Variants in ACBD6 observed in about 807,000 individuals in gnomAD.
The protein encoded by ACBD6 is acyl-CoA-binding domain-containing protein 6.
In ACBD6, 28 loss-of-function variants were observed where a neutral mutation model predicts 37.2. The ratio of observed to expected loss-of-function variants is 0.75; its 90% CI spans 0.56 to 1.03. The LOEUF is 1.03. Among genes scored for constraint, ACBD6 ranks in the 50% least tolerant of loss-of-function variants. The pLI is 0.00. For synonymous variants in ACBD6, 113 were observed against 126.8 expected (o/e 0.89, Z 0.73); for missense variants, 340 against 337.4 (o/e 1.01, Z -0.06).
chr1:180,283,164 T>C (rs1649365932), intron 8 of ACBD6, among the ~76,000 whole-genome samples: 1 of 152,134 alleles, frequency 6.6e-6, no homozygotes, highest in Non-Finnish European at 1.5e-5. Context: ...TTACACAAAG[T>C]GTCCATCAAC....
chr1:180,277,597 T>C (rs1003187117), intron 9 of ACBD6: 3 of 152,122 alleles, frequency 2.0e-5, no homozygotes, highest in Admixed American at 2.0e-4. Flanking sequence ...ATGGAGGAAA[T>C]ACCAGATTTA....
At chr1:180,320,970 T>C (rs2764440) in intron 6 of ACBD6, among the ~76,000 whole-genome samples, 6,948 of 152,246 alleles carry the variant, frequency 0.046, 224 homozygotes, top group South Asian at 0.059. Flanking sequence ...CTTTTGTACA[T>C]GGTGAGAGAC....
chr1:180,352,768 C>T (rs1225328454), intron 6 of ACBD6, among the ~76,000 whole-genome samples: 1 of 152,216 alleles, frequency 6.6e-6, no homozygotes, highest in Non-Finnish European at 1.5e-5. Context: ...ACACAGAGTA[C>T]ATCCCATTCA....
chr1:180,437,295 G>A (rs542578761), intron 3 of ACBD6, among the ~76,000 whole-genome samples: 24 of 152,292 alleles, frequency 1.6e-4, no homozygotes, highest in African/African-American at 4.8e-4. Flanking sequence ...TCTGGAGACC[G>A]GGGCTTGTGA....
intron 3 of ACBD6, among the ~76,000 whole-genome samples, chr1:180,486,027 TG>T (rs1271259984): frequency 6.6e-6 from 1 of 151,818 alleles, no homozygotes; most frequent in East Asian, 1.9e-4. Context: ...AATACATGAA[TG>T]TTGAGAGAGG....
At chr1:180,460,715 A>T (rs1465379559) in intron 3 of ACBD6, among the ~76,000 whole-genome samples, 1 of 152,254 alleles carries the variant, frequency 6.6e-6, no homozygotes, top group Non-Finnish European at 1.5e-5. Context: ...CTTAAAAAAC[A>T]AAACAACAAA....
At chr1:180,274,677 G>A (rs542243627) in exon 10 of ACBD6, 4 of 1,359,624 alleles carry the variant, frequency 2.9e-6, no homozygotes, top group Admixed American at 2.3e-5. Context: ...GTACGCCAAT[G>A]TGAATTTCCA....
At chr1:180,398,566 C>T (rs1232610129) in intron 5 of ACBD6, among the ~76,000 whole-genome samples, 1 of 152,130 alleles carries the variant, frequency 6.6e-6, no homozygotes, top group Non-Finnish European at 1.5e-5. Flanking sequence ...GAATGGATGA[C>T]TAAATATTAG....
intron 3 of ACBD6, among the ~76,000 whole-genome samples, chr1:180,457,445 A>C (rs968360520): frequency 2.0e-5 from 3 of 151,610 alleles, no homozygotes; most frequent in Non-Finnish European, 4.4e-5. Flanking sequence ...ACGGGGAGAA[A>C]CGTCTCTCTT....
chr1:180,314,254 T>C (rs1193149346), intron 7 of ACBD6, among the ~76,000 whole-genome samples: 2 of 151,636 alleles, frequency 1.3e-5, no homozygotes, highest in African/African-American at 4.8e-5. Context: ...GTTATTAATA[T>C]TTTTTTTTGA....
intron 3 of ACBD6, among the ~76,000 whole-genome samples, chr1:180,471,748 T>C (rs113026340): frequency 1.8e-4 from 28 of 152,142 alleles, no homozygotes; most frequent in African/African-American, 6.8e-4. Flanking sequence ...TTCTGGGAGA[T>C]ACAATTCAAA....
intron 6 of ACBD6, among the ~76,000 whole-genome samples, chr1:180,380,368 A>C (rs2101926568): frequency 6.6e-6 from 1 of 152,328 alleles, no homozygotes. Context: ...CCATCAGAAT[A>C]ACAACAAATT....
chr1:180,494,862 T>C (rs1038250379), intron 2 of ACBD6, among the ~76,000 whole-genome samples: 1 of 152,192 alleles, frequency 6.6e-6, no homozygotes, highest in Non-Finnish European at 1.5e-5. Context: ...TTCTGAATTA[T>C]AAGTTAAAAA....
chr1:180,375,752 C>T (rs939112652), intron 6 of ACBD6, among the ~76,000 whole-genome samples: 1 of 152,026 alleles, frequency 6.6e-6, no homozygotes, highest in African/African-American at 2.4e-5. Flanking sequence ...CATACGAGTA[C>T]TAGAAGAAAA....
chr1:180,309,620 T>C (rs988050143), intron 7 of ACBD6, among the ~76,000 whole-genome samples: 1 of 152,316 alleles, frequency 6.6e-6, no homozygotes, highest in South Asian at 2.1e-4. Flanking sequence ...TGGCAGTGGT[T>C]GTCTTTATAA....
chr1:180,403,182 G>A (rs908422282), intron 5 of ACBD6, among the ~76,000 whole-genome samples: 3 of 152,000 alleles, frequency 2.0e-5, no homozygotes, highest in African/African-American at 7.3e-5. Context: ...TACCTTTTTG[G>A]GATTAAAAGA....
intron 3 of ACBD6, among the ~76,000 whole-genome samples, chr1:180,477,088 AT>A (rs898690985): frequency 2.0e-5 from 3 of 152,148 alleles, no homozygotes; most frequent in Non-Finnish European, 2.9e-5. Flanking sequence ...TATATACACT[AT>A]GTTTTTTCCT....
chr1:180,271,791 G>A (rs1204487160), exon 14 of ACBD6: 1 of 1,608,352 alleles, frequency 6.2e-7, no homozygotes, highest in African/African-American at 1.3e-5. Context: ...CTTTGGGTTT[G>A]TGGTGGACGC....
chr1:180,352,232 CA>C (rs1200007224), intron 6 of ACBD6, among the ~76,000 whole-genome samples: 1 of 152,058 alleles, frequency 6.6e-6, no homozygotes, highest in Non-Finnish European at 1.5e-5. Context: ...AATGATTGCA[CA>C]ACAATGTGAA....
Sources: gnomAD v4.1 joint callset for allele counts (sites outside exome capture counted in the v4.1 genomes callset) on GRCh38, gnomAD v4.1.1 for gene constraint, MANE v1.5 for transcripts, NCBI Gene and HGNC (gene_info 2026-07-23, HGNC 2026-07-21) for gene names.